Variants in MALT1 observed in about 807,000 individuals in gnomAD.
MALT1 encodes mucosa-associated lymphoid tissue lymphoma translocation protein 1.
In MALT1, 36 loss-of-function variants were observed where a neutral mutation model predicts 85.5. The observed-to-expected ratio is 0.42, with a 90% confidence interval of 0.32 to 0.56. The LOEUF (loss-of-function observed/expected upper bound fraction) is 0.56. MALT1 is among the 20% of genes least tolerant of loss of function. MALT1 has a pLI of 0.10. For missense variants in MALT1, 716 were observed against 981.6 expected (o/e 0.73, Z 3.62); for synonymous variants, 359 against 361.3 (o/e 0.99, Z 0.07).
At chr18:58,725,881 T>C (rs1444095827) in intron 10 of MALT1, among the ~76,000 whole-genome samples, 1 of 152,064 alleles carries the variant, frequency 6.6e-6, no homozygotes, top group African/African-American at 2.4e-5. Flanking sequence ...GCCAACATGG[T>C]GAAACCCCGT....
At chr18:58,739,343 TTATCAG>T (rs1231837332) in intron 13 of MALT1, among the ~76,000 whole-genome samples, 1 of 152,212 alleles carries the variant, frequency 6.6e-6, no homozygotes, top group African/African-American at 2.4e-5. Flanking sequence ...GGTATCAGTG[TTATCAG>T]TATCAGTGGC....
At chr18:58,709,254 C>A in intron 4 of MALT1, 124 bp from the exon 5 acceptor site, 1 of 596,554 alleles carries the variant, frequency 1.7e-6, no homozygotes, top group Non-Finnish European at 2.7e-6. Flanking sequence ...TTTTTTTAAA[C>A]AGTTTGGGAA....
chr18:58,699,488 G>C (rs934702010), intron 3 of MALT1, among the ~76,000 whole-genome samples: 5 of 152,182 alleles, frequency 3.3e-5, no homozygotes, highest in Non-Finnish European at 5.9e-5. Context: ...GAGGGAGGAG[G>C]TGAGCTTGTT....
intron 1 of MALT1, among the ~76,000 whole-genome samples, chr18:58,679,338 G>A (rs2054286549): frequency 6.6e-6 from 1 of 152,228 alleles, no homozygotes; most frequent in Non-Finnish European, 1.5e-5. Flanking sequence ...TCCATAGAGG[G>A]CCCAATGGTA....
intron 16 of MALT1, 95 bp from the exon 17 acceptor site, chr18:58,747,309 AT>A (rs2055381689): frequency 1.3e-6 from 1 of 771,758 alleles, no homozygotes; most frequent in African/African-American, 1.7e-5. Flanking sequence ...GAGTGAGTGG[AT>A]TTTTGGGGGT....
Position 58,715,661 on chromosome 18 carries a change from C to T in MALT1, c.986-274C>T, listed in dbSNP as rs78924836. Among the ~76,000 whole-genome samples, 1,457 of 152,202 alleles carry T rather than the reference C, an allele frequency of 9.6e-3. 26 individuals carry two copies. The highest frequency in any genetic ancestry group is 0.033 in the African/African-American group (1,384 of 41,504). On this transcript the variant is annotated intron_variant, in intron 8 of 16. Coordinates refer to ENST00000649217, the MANE Select transcript of MALT1 (RefSeq NM_006785.4). ...ATAATGGGGTTAATAATAGTAGGCA[C>T]CTCATAGGGTAGAGTGAGGTTTCAT...
intron 2 of MALT1, among the ~76,000 whole-genome samples, chr18:58,693,969 A>G (rs2054551259): frequency 3.3e-5 from 5 of 152,128 alleles, no homozygotes; most frequent in Admixed American, 6.5e-5. Flanking sequence ...GTGATGTAAA[A>G]CTCTCCTGGC....
At chr18:58,681,449 G>A in intron 2 of MALT1, 113 bp downstream of exon 2, 1 of 927,644 alleles carries the variant, frequency 1.1e-6, no homozygotes, top group Non-Finnish European at 1.5e-6. Flanking sequence ...ATGTAAATGT[G>A]TAGTGCCTTG....
At chr18:58,700,096 GT>G (rs1183079263) in intron 3 of MALT1, among the ~76,000 whole-genome samples, 2 of 152,182 alleles carry the variant, frequency 1.3e-5, no homozygotes, top group Non-Finnish European at 2.9e-5. Context: ...TTTGTATGTT[GT>G]ATGGCTGCTA....
intron 1 of MALT1, 42 bp downstream of exon 1, chr18:58,671,894 G>A: frequency 8.3e-7 from 1 of 1,199,340 alleles, no homozygotes; most frequent in South Asian, 4.2e-5. Flanking sequence ...CGGGTCGAGC[G>A]GGGTGGGCTG....
At chr18:58,717,813 C>T (rs1324843965) in intron 9 of MALT1, among the ~76,000 whole-genome samples, 1 of 151,104 alleles carries the variant, frequency 6.6e-6, no homozygotes, top group African/African-American at 2.4e-5. Context: ...TCATGTATTC[C>T]AGCTCCATGA....
At chr18:58,692,887 A>G (rs188197057) in intron 2 of MALT1, among the ~76,000 whole-genome samples, 2 of 152,332 alleles carry the variant, frequency 1.3e-5, no homozygotes, top group Admixed American at 1.3e-4. Flanking sequence ...AGATGGAGAA[A>G]GTTATAGTAG....
intron 10 of MALT1, 67 bp from the exon 11 acceptor site, chr18:58,733,330 G>A: frequency 2.0e-6 from 2 of 1,014,806 alleles, no homozygotes; most frequent in Admixed American, 2.4e-5. Flanking sequence ...AAAAAGTTAT[G>A]CAGTCTGTAT....
At position 58,680,929 on chromosome 18, in the gene MALT1, C is replaced by CA. The variant is rs1165265799; in HGVS notation, c.210-215dup. Among the ~76,000 whole-genome samples, 371 of 67,198 alleles carry CA rather than the reference C, an allele frequency of 5.5e-3. 15 individuals carry two copies. The highest frequency in any genetic ancestry group is 0.015 in the African/African-American group (229 of 14,926). The allele number at this position is 67,198 out of a possible 152,430, so 44.1% of individuals were successfully genotyped here. ...TGGGCGACAGAGCGAGACTCCGTCT[C>CA]AAAAAAAAAAAAAAAAAAAAAAAAA... On this transcript the variant is annotated intron_variant, in intron 1 of 16. Transcript: ENST00000649217.
At position 58,749,263 on chromosome 18, in the gene MALT1, C is replaced by G. The variant is rs1009494837; in HGVS notation, c.*1421C>G. On this transcript the variant is annotated 3_prime_UTR_variant, in exon 17 of 17. Coordinates refer to ENST00000649217, the MANE Select transcript of MALT1 (RefSeq NM_006785.4). ...TATGTGTGTATACATATGTTTATCT[C>G]ACACACATTATGAGCTTGAATTCTT... The G allele has an allele frequency of 6.9e-5, 15 of 216,794 alleles. No homozygotes were observed. The highest frequency in any genetic ancestry group is 1.3e-4 in the Non-Finnish European group (14 of 107,834). 13.4% of individuals were successfully genotyped at this position (216,794 alleles called of 1,614,324 possible). A position where few individuals can be genotyped will look rare whatever the true frequency, so the allele number is the denominator to read the frequency against.
chr18:58,687,287 G>C (rs903827064), intron 2 of MALT1, among the ~76,000 whole-genome samples: 2 of 152,208 alleles, frequency 1.3e-5, no homozygotes, highest in South Asian at 4.1e-4. Context: ...AGCAAGGCCT[G>C]AAGGAATGTC....
rs574285957 is a variant in MALT1 at position 58,696,337 on chromosome 18, ATTTTTTTTTTTTT to A, written c.377-15_377-3del. ...AAGGAAAATCCCTCTTGTGACTTTA[ATTTTTTTTTTTTT>A]TTTTTTTTTTTTTAGGAATAAAGAT... On this transcript the variant is annotated splice_polypyrimidine_tract_variant and intron_variant, in intron 2 of 16. Transcript: ENST00000649217. The A allele has an allele frequency of 1.1e-5, 11 of 991,076 alleles. No individual in the cohort carries two copies. The Admixed American group carries it at 1.9e-4, about 17-fold the overall frequency. 61.4% of individuals were successfully genotyped at this position (991,076 alleles called of 1,614,324 possible). A position where few individuals can be genotyped will look rare whatever the true frequency, so the allele number is the denominator to read the frequency against.
At chr18:58,686,462 G>A (rs1247676090) in intron 2 of MALT1, among the ~76,000 whole-genome samples, 1 of 152,224 alleles carries the variant, frequency 6.6e-6, no homozygotes, top group African/African-American at 2.4e-5. Context: ...AGCAGAGGCT[G>A]AACGATGGGA....
chr18:58,727,616 G>GTTTTTTTTT lies in MALT1; in HGVS notation c.1222+4368_1222+4376dup, dbSNP rs751434443. On this transcript the variant is annotated intron_variant, in intron 10 of 16. Coordinates refer to ENST00000649217, the MANE Select transcript of MALT1 (RefSeq NM_006785.4). ...ACCCAGCCTGCCAAAGGTTTTTTGTGTTTTTTTTTTTGTTTTTTTTTTTTT... is the reference window on the plus strand; with the variant it reads ...ACCCAGCCTGCCAAAGGTTTTTTGTGTTTTTTTTTTTTTTTTTTTTGTTTTTTTTTTTTT... Among the ~76,000 whole-genome samples the GTTTTTTTTT allele has an allele frequency of 3.3e-3, 397 of 121,124 alleles. 20 individuals carry two copies. The highest frequency in any genetic ancestry group is 8.1e-3 in the African/African-American group (246 of 30,558). The allele number at this position is 121,124 out of a possible 152,430, so 79.5% of individuals were successfully genotyped here. A position where few individuals can be genotyped will look rare whatever the true frequency, so the allele number is the denominator to read the frequency against.
Sources: allele counts gnomAD v4.1 joint callset (sites outside exome capture counted in the v4.1 genomes callset), GRCh38; gene constraint gnomAD v4.1.1; transcripts MANE v1.5; gene names NCBI Gene and HGNC (gene_info 2026-07-23, HGNC 2026-07-21).